ACAN: variants seen among roughly 807,000 people sequenced by gnomAD.
The protein encoded by ACAN is aggrecan.
In ACAN, 47 loss-of-function variants were observed where a neutral mutation model predicts 169.1. The observed-to-expected ratio is 0.28, with a 90% CI of 0.22 to 0.35. ACAN has a LOEUF of 0.35. Ranked by LOEUF, ACAN falls within the 10% of genes least tolerant of loss-of-function variation. ACAN has a pLI of 1.00. For synonymous variants in ACAN, 1,115 were observed against 1,112.2 expected (o/e 1.00, Z -0.05); for missense variants, 2,716 against 2,759.9 (o/e 0.98, Z 0.36).
In ACAN at chr15:88,872,655, T is replaced by G. The variant is rs188439345; in HGVS notation, c.7303-226T>G. On this transcript the variant is annotated intron_variant, in intron 16 of 18. Coordinates refer to ENST00000560601, the MANE Select transcript of ACAN (RefSeq NM_001369268.1). This position sits in a 1 kb window ranked among gnomAD's most constrained non-coding sequence, Gnocchi z 5.4. Reference sequence around the variant, plus strand: ...GGGTTCTGAGCTCCTGAGAAGGACCTGAGCCAAGCTGTGTGACTGATTCCC... The same window carrying G: ...GGGTTCTGAGCTCCTGAGAAGGACCGGAGCCAAGCTGTGTGACTGATTCCC... Among the ~76,000 whole-genome samples, 827 of 152,282 alleles carry G rather than the reference T, an allele frequency of 5.4e-3. 9 individuals are homozygous for G. The highest frequency in any genetic ancestry group is 0.019 in the African/African-American group (795 of 41,560).
At position 88,807,620 on chromosome 15, in the gene ACAN, G is replaced by A. The variant is rs1305096386; in HGVS notation, c.-8+3811G>A. 1.3e-5 allele frequency among the ~76,000 whole-genome samples: 2 copies of A among 152,236 alleles called. No homozygotes were observed. Among genetic ancestry groups the A allele is most frequent in the Non-Finnish European group, 2.9e-5 (2 of 68,044 alleles). On this transcript the variant is annotated intron_variant, in intron 1 of 18. Coordinates refer to ENST00000560601, the MANE Select transcript of ACAN (RefSeq NM_001369268.1). This position sits in a 1 kb window ranked among gnomAD's most constrained non-coding sequence, Gnocchi z 4.0. ...GGAGCGGGAGTGCAGGCGAGAGGAG[G>A]ACCAGAGAGGGGGAATTTGTAGAGA...
chr15:88,849,042 T>A lies in ACAN; in HGVS notation c.1733-396T>A, dbSNP rs759701770. The stretch of plus-strand genomic sequence containing the variant: ...GCAGTCACAGTGATAAGTGCAGTGG[T>A]GTAGGGGTGCAAAGGGATTGGAGGG... On this transcript the variant is annotated intron_variant, in intron 9 of 18. Coordinates refer to ENST00000560601, the MANE Select transcript of ACAN (RefSeq NM_001369268.1). This position sits in a 1 kb window ranked among gnomAD's most constrained non-coding sequence, Gnocchi z 5.1. Among the ~76,000 whole-genome samples, 1 of 151,926 alleles carries A rather than the reference T, an allele frequency of 6.6e-6. No individual in the cohort carries two copies. The highest frequency in any genetic ancestry group is 1.5e-5 in the Non-Finnish European group (1 of 67,962).
rs1126823 is a variant in ACAN, at chr15:88,874,007, A to G, written c.7613A>G (p.Gln2538Arg). ...CQPSGHWEEPQITCTDPTTYK... is the reference protein window; with the variant it reads ...CQPSGHWEEPRITCTDPTTYK... ...CCCAGCGGGCACTGGGAGGAGCCTC[A>G]GATCACCTGCACAGACCGTGAGCAT... Residue 2538 changes from glutamine to arginine, a missense_variant, in exon 18 of 19, where the codon CAG (glutamine) becomes CGG (arginine). This residue lies in a region of ACAN where 1,389 missense variants were observed against 1,363.7 expected (regional missense o/e 1.02). Coordinates refer to ENST00000560601, the MANE Select transcript of ACAN (RefSeq NM_001369268.1). This position sits in a 1 kb window ranked among gnomAD's most constrained non-coding sequence, Gnocchi z 7.3. The G allele has an allele frequency of 0.27, 433,182 of 1,611,214 alleles. 66,747 individuals are homozygous for G. The highest frequency in any genetic ancestry group is 0.7 in the African/African-American group (52,692 of 74,904).
At chr15:88,853,699 T>C (rs1348067494) in intron 11 of ACAN, among the ~76,000 whole-genome samples, 1 of 152,124 alleles carries the variant, frequency 6.6e-6, no homozygotes, top group Non-Finnish European at 1.5e-5. Flanking sequence ...TGACTGCAAA[T>C]GGTCATCCTG....
chr15:88,840,257 T>A, intron 4 of ACAN, 71 bp downstream of exon 4: 2 of 1,473,542 alleles, frequency 1.4e-6, no homozygotes, highest in Non-Finnish European at 1.8e-6. Flanking sequence ...GGGTGCTGGG[T>A]GGAACGTTGG....
rs1270847386 is a variant in ACAN, at chr15:88,871,001, C to T, written c.7061-381C>T. On this transcript the variant is annotated intron_variant, in intron 14 of 18. Transcript: ENST00000560601. The surrounding 1 kb of genome is among the most constrained non-coding windows in gnomAD (Gnocchi z 7.8). ...TCCACTCCCTCTCTCCCTGGAGCCCCCCAGAGCCACAGAACCATGTTTTGC... is the reference window on the plus strand; with the variant it reads ...TCCACTCCCTCTCTCCCTGGAGCCCTCCAGAGCCACAGAACCATGTTTTGC... 2.0e-5 allele frequency among the ~76,000 whole-genome samples: 3 copies of T among 152,320 alleles called. No homozygotes were observed. The highest frequency in any genetic ancestry group is 4.4e-5 in the Non-Finnish European group (3 of 68,036).
rs1450304042 is a variant in ACAN at position 88,805,469 on chromosome 15, T to G, written c.-8+1660T>G. Reference sequence around the variant, plus strand: ...AAGAAGATATCTCTTGGAGAGATGCTGGAATTCCACAGGTTACCTTGAGCT... The same window carrying G: ...AAGAAGATATCTCTTGGAGAGATGCGGGAATTCCACAGGTTACCTTGAGCT... On this transcript the variant is annotated intron_variant, in intron 1 of 18. Coordinates refer to ENST00000560601, the MANE Select transcript of ACAN (RefSeq NM_001369268.1). 2.6e-5 allele frequency among the ~76,000 whole-genome samples: 4 copies of G among 152,256 alleles called. No individual in the cohort carries two copies. In the East Asian group the frequency reaches 7.7e-4, roughly 29 times the overall value.
Position 88,847,368 on chromosome 15 carries a change from G to A in ACAN, c.1555G>A (p.Ala519Thr), listed in dbSNP as rs1488779040. 6.3e-7 allele frequency: 1 copy of A among 1,593,866 alleles called. No individual in the cohort carries two copies. The highest frequency in any genetic ancestry group is 2.3e-5 in the East Asian group (1 of 43,924). Reference sequence around the variant, plus strand: ...GGAGCAGCTCCAGGCCGCCTACGAAGCAGGCTATGAGCAGTGTGACGCCGG... The same window carrying A: ...GGAGCAGCTCCAGGCCGCCTACGAAACAGGCTATGAGCAGTGTGACGCCGG... Reference protein sequence around the residue: ...SPEQLQAAYEAGYEQCDAGWL... With the variant: ...SPEQLQAAYETGYEQCDAGWL... The change falls in exon 8 of 19, where the codon GCA becomes ACA. Residue 519 changes from alanine to threonine, a missense_variant. Ala to Thr is a moderately conservative substitution (Grantham distance 58, BLOSUM62 0). Transcript: ENST00000560601.
intron 13 of ACAN, among the ~76,000 whole-genome samples, chr15:88,864,272 CTT>C (rs758178161): frequency 3.4e-5 from 5 of 145,026 alleles, no homozygotes; most frequent in African/African-American, 2.5e-5. Flanking sequence ...ATGTTATAAC[CTT>C]TTTTTTTTTT....
chr15:88,819,588 C>A (rs1414553793), intron 1 of ACAN, among the ~76,000 whole-genome samples: 1 of 132,734 alleles, frequency 7.5e-6, no homozygotes, highest in Non-Finnish European at 1.6e-5. Context: ...CATAATGAGA[C>A]TCTCGTCTCT....
intron 1 of ACAN, among the ~76,000 whole-genome samples, chr15:88,818,900 G>C (rs1896006730): frequency 6.6e-6 from 1 of 152,178 alleles, no homozygotes; most frequent in Non-Finnish European, 1.5e-5. Context: ...AGAAGATTAA[G>C]ATGATAAATT....
At chr15:88,810,357 G>A (rs1221357989) in intron 1 of ACAN, among the ~76,000 whole-genome samples, 5 of 150,730 alleles carry the variant, frequency 3.3e-5, no homozygotes, top group South Asian at 2.1e-4. Context: ...ATTTTGGGGG[G>A]AAAAAAAAAC....
chr15:88,808,016 A>G (rs1018576737), intron 1 of ACAN, among the ~76,000 whole-genome samples: 2 of 152,122 alleles, frequency 1.3e-5, no homozygotes, highest in Non-Finnish European at 2.9e-5. Flanking sequence ...TCTTCTGTGT[A>G]GGTCACTATT....
At chr15:88,823,345 T>G (rs1005017436) in intron 1 of ACAN, among the ~76,000 whole-genome samples, 1 of 152,140 alleles carries the variant, frequency 6.6e-6, no homozygotes, top group African/African-American at 2.4e-5. Context: ...TTCCAAGTGC[T>G]TGGACTGGAG....
chr15:88,820,512 C>T (rs917509330), intron 1 of ACAN, among the ~76,000 whole-genome samples: 1 of 152,200 alleles, frequency 6.6e-6, no homozygotes, highest in Non-Finnish European at 1.5e-5. Context: ...TTGTTTCTAA[C>T]TTTATTTAAT....
In ACAN at chr15:88,873,394, A is replaced by G. The variant is rs1163867555; in HGVS notation, c.7447+369A>G. ...GTCTTTGGGATTCCCAAGGCCATCA[A>G]TCACAGAGTCATAGTTGTCAGGCCT... On this transcript the variant is annotated intron_variant, in intron 17 of 18. Transcript: ENST00000560601. The surrounding 1 kb of genome is among the most constrained non-coding windows in gnomAD (Gnocchi z 7.5). Among the ~76,000 whole-genome samples the G allele has an allele frequency of 6.6e-6, 1 of 152,174 alleles. No individual in the cohort carries two copies. Among genetic ancestry groups the G allele is most frequent in the African/African-American group, 2.4e-5 (1 of 41,438 alleles).
intron 13 of ACAN, 58 bp downstream of exon 13, chr15:88,860,497 T>C: frequency 6.7e-7 from 1 of 1,496,820 alleles, no homozygotes; most frequent in South Asian, 1.2e-5. Context: ...GACTTCTTCA[T>C]CCCCCAAAGG....
intron 11 of ACAN, 72 bp downstream of exon 11, chr15:88,852,105 G>T: frequency 6.6e-7 from 1 of 1,514,026 alleles, no homozygotes; most frequent in Admixed American, 2.1e-5. Flanking sequence ...GTGCCTGGTG[G>T]GGCGGGGGGG....
Position 88,871,587 on chromosome 15 carries a change from A to G in ACAN, c.7219+47A>G. The G allele has an allele frequency of 6.4e-7, 1 of 1,565,104 alleles. No homozygotes were observed. Among genetic ancestry groups the G allele is most frequent in the Non-Finnish European group, 8.6e-7 (1 of 1,156,236 alleles). On this transcript the variant is annotated intron_variant, in intron 15 of 18. Coordinates refer to ENST00000560601, the MANE Select transcript of ACAN (RefSeq NM_001369268.1). This position sits in a 1 kb window ranked among gnomAD's most constrained non-coding sequence, Gnocchi z 7.8. ...GAGCCTGAGAGGAGAGTGGCGGTGT[A>G]GGCAAAGGGCCTCACCTTTCAGAAG...
Sources: gnomAD v4.1 joint callset for allele counts (sites outside exome capture counted in the v4.1 genomes callset) on GRCh38, gnomAD v4.1.1 for gene constraint, gnomAD v4.1.1 regional missense constraint, Gnocchi (gnomAD v3.1) non-coding constraint, MANE v1.5 for transcripts, NCBI Gene and HGNC (gene_info 2026-07-23, HGNC 2026-07-21) for gene names.